Variants in CHD6 observed in about 807,000 individuals in gnomAD.
CHD6 encodes the protein chromodomain helicase DNA binding protein 6.
Under a neutral mutation model 276.9 loss-of-function variants are expected in CHD6, and 50 were observed. That is an observed-to-expected ratio of 0.18 (90% CI 0.14 to 0.23). The LOEUF is 0.23. Among genes scored for constraint, CHD6 ranks in the 10% least tolerant of loss-of-function variants. CHD6 has a pLI of 1.00. For missense variants in CHD6, 2,564 were observed against 3,365.8 expected, an observed-to-expected ratio of 0.76 and a Z score of 5.89; for synonymous variants, 1,173 against 1,229.3, an observed-to-expected ratio of 0.95 and a Z score of 0.96.
chr20:41,554,948 T>C (rs1362179911), intron 1 of CHD6, among the ~76,000 whole-genome samples: 1 of 150,690 alleles, frequency 6.6e-6, no homozygotes, highest in Admixed American at 6.6e-5. Flanking sequence ...CACTTCCCAG[T>C]AGGGGCAGCC....
At chr20:41,579,233 G>A (rs866086482) in intron 1 of CHD6, among the ~76,000 whole-genome samples, 22 of 149,144 alleles carry the variant, frequency 1.5e-4, no homozygotes, top group East Asian at 4.0e-4. Context: ...TCAGGAGTTC[G>A]AGACCAGCCC....
At position 41,404,596 on chromosome 20, in the gene CHD6, A is replaced by C. The variant is rs759999480; in HGVS notation, c.8145T>G (p.Asn2715Lys). 4.7e-6 allele frequency: 7 copies of C among 1,477,360 alleles called. No homozygotes were observed. The highest frequency in any genetic ancestry group is 1.4e-5 in the African/African-American group (1 of 71,258). The allele number at this position is 1,477,360 out of a possible 1,614,324, so 91.5% of individuals were successfully genotyped here. A position where few individuals can be genotyped will look rare whatever the true frequency, so the allele number is the denominator to read the frequency against. The change falls in exon 37 of 37, where the codon AAT (asparagine) becomes AAG (lysine). Residue 2715 changes from asparagine to lysine, a missense_variant. Physicochemically the swap from Asn to Lys is moderately conservative, Grantham distance 94. Transcript: ENST00000373233. Reference sequence around the variant, plus strand: ...AATTTCTTAAATGAAAAAAGTTCTAATTGGTGTCGTTGTTGGAGTCTTTGA... The same window carrying C: ...AATTTCTTAAATGAAAAAAGTTCTACTTGGTGTCGTTGTTGGAGTCTTTGA... ...GALKDSNNDT[N>K]
At chr20:41,412,077 G>C in intron 36 of CHD6, 67 bp downstream of exon 36, 1 of 1,588,536 alleles carries the variant, frequency 6.3e-7, no homozygotes. Flanking sequence ...TTTCTCTCAA[G>C]TATGTAAGGC....
At chr20:41,484,711 C>T in intron 14 of CHD6, 104 bp from the exon 15 acceptor site, 1 of 1,194,518 alleles carries the variant, frequency 8.4e-7, no homozygotes, top group Non-Finnish European at 1.2e-6. Flanking sequence ...ACCCATAGTA[C>T]TGTGGTAGTA....
rs2044740748 is a variant in CHD6 at position 41,533,399 on chromosome 20, C to T, written c.205G>A (p.Ala69Thr). Residue 69 changes from alanine to threonine, a missense_variant, in exon 3 of 37, where the codon GCT (alanine) becomes ACT (threonine). Ala to Thr is a moderately conservative substitution (Grantham distance 58, BLOSUM62 0). This residue lies in a region of CHD6 where 286 missense variants were observed against 297.8 expected (regional missense o/e 0.96). Transcript: ENST00000373233. ...GTCATTTTCCTAGGAAAAAGGGTAG[C>T]AGCTTCCTCTTCAGCAGTATACAGG... ...KDLYTAEEEA[A>T]TLFPRKMTSH... 1 of 1,614,134 alleles carries T rather than the reference C, an allele frequency of 6.2e-7. No individual in the cohort carries two copies. Among genetic ancestry groups the T allele is most frequent in the South Asian group, 1.1e-5 (1 of 91,076 alleles).
At position 41,520,057 on chromosome 20, in the gene CHD6, G is replaced by A. The variant is rs564734024; in HGVS notation, c.555-5105C>T. 3.3e-5 allele frequency among the ~76,000 whole-genome samples: 5 copies of A among 152,256 alleles called. No homozygotes were observed. The East Asian group carries it at 9.6e-4, about 29-fold the overall frequency. On this transcript the variant is annotated intron_variant, in intron 3 of 36. Coordinates refer to ENST00000373233, the MANE Select transcript of CHD6 (RefSeq NM_032221.5). ...AAAGAAGACATTTATGCCGCCAAAAGACACATGAAAAAATGCTCATCATCA... is the reference window on the plus strand; with the variant it reads ...AAAGAAGACATTTATGCCGCCAAAAAACACATGAAAAAATGCTCATCATCA...
chr20:41,507,558 G>C (rs1293049749), intron 5 of CHD6, among the ~76,000 whole-genome samples: 4 of 152,122 alleles, frequency 2.6e-5, no homozygotes, highest in Non-Finnish European at 5.9e-5. Context: ...GGAAAATCAG[G>C]ATCTTTTTTT....
Position 41,549,109 on chromosome 20 carries a change from G to C in CHD6, c.33+2196C>G, listed in dbSNP as rs567436372. ...GCGATTCCTCAGGGATCTAGAACTA[G>C]AAATACCATTTGACCCAGCCATCCC... On this transcript the variant is annotated intron_variant, in intron 2 of 36. Transcript: ENST00000373233. Among the ~76,000 whole-genome samples, 6 of 151,954 alleles carry C rather than the reference G, an allele frequency of 3.9e-5. No homozygotes were observed. In the South Asian group the frequency reaches 1.3e-3, roughly 32 times the overall value.
At chr20:41,454,005 G>A (rs886592088) in intron 20 of CHD6, among the ~76,000 whole-genome samples, 3 of 152,080 alleles carry the variant, frequency 2.0e-5, no homozygotes, top group East Asian at 1.9e-4. Flanking sequence ...GATGAAGGAC[G>A]GGAAATCAAC....
intron 1 of CHD6, among the ~76,000 whole-genome samples, chr20:41,602,457 T>C (rs1257280430): frequency 6.6e-6 from 1 of 152,310 alleles, no homozygotes; most frequent in East Asian, 1.9e-4. Context: ...GGAGTAAAAC[T>C]GCCAGTTTGC....
At chr20:41,419,318 G>A (rs796280225) in intron 31 of CHD6, among the ~76,000 whole-genome samples, 46 of 152,032 alleles carry the variant, frequency 3.0e-4, no homozygotes, top group African/African-American at 1.1e-3. Context: ...AGTGGCTCAC[G>A]TCTGTAATCC....
At chr20:41,413,218 A>C (rs1406650432) in intron 35 of CHD6, 106 bp downstream of exon 35, 2 of 860,950 alleles carry the variant, frequency 2.3e-6, no homozygotes, top group African/African-American at 3.4e-5. Context: ...GATTTCTCCC[A>C]AACAGCTCCC....
intron 5 of CHD6, among the ~76,000 whole-genome samples, chr20:41,501,449 G>C (rs184575676): frequency 6.6e-6 from 1 of 152,222 alleles, no homozygotes; most frequent in African/African-American, 2.4e-5. Context: ...TACCACCGTA[G>C]ACTGGTTTTG....
chr20:41,539,188 C>A (rs536891748), intron 2 of CHD6, among the ~76,000 whole-genome samples: 2 of 152,200 alleles, frequency 1.3e-5, no homozygotes, highest in African/African-American at 4.8e-5. Context: ...ACTGAACATG[C>A]GTGCCCTGGA....
In CHD6 at chr20:41,556,828, C is replaced by A. The variant is rs895563427; in HGVS notation, c.-23-5468G>T. On this transcript the variant is annotated intron_variant, in intron 1 of 36. Transcript: ENST00000373233. ...ACAGCACCCCATAATTTATAAACAC[C>A]CTTAAATTATCTCTACTTTTTAAAT... is the stretch of plus-strand genomic sequence containing the variant. Among the ~76,000 whole-genome samples, 3 of 152,062 alleles carry A rather than the reference C, an allele frequency of 2.0e-5. No individual in the cohort carries two copies. In the East Asian group the frequency reaches 5.8e-4, roughly 29 times the overall value.
intron 4 of CHD6, 51 bp downstream of exon 4, chr20:41,514,754 A>G: frequency 6.2e-7 from 1 of 1,601,524 alleles, no homozygotes; most frequent in Non-Finnish European, 8.5e-7. Context: ...TGTCAGCCAG[A>G]TCCCATCCAG....
intron 1 of CHD6, among the ~76,000 whole-genome samples, chr20:41,556,299 TGGGGAGACGGGAGAGGGAGAGGGCACC>T (rs2045235538): frequency 9.1e-6 from 1 of 110,166 alleles, no homozygotes; most frequent in South Asian, 3.0e-4. Flanking sequence ...AGGGAGACCG[TGGGGAGACGGGAGAGGGAGAGGGCACC>T]TTTTTTTTTT....
rs576201407 is a variant in CHD6 at position 41,557,372 on chromosome 20, G to A, written c.-23-6012C>T. Among the ~76,000 whole-genome samples the A allele has an allele frequency of 1.1e-3, 160 of 151,906 alleles. 4 individuals carry two copies. The highest frequency in any genetic ancestry group is 6.8e-3 in the Middle Eastern group (2 of 292). On this transcript the variant is annotated intron_variant, in intron 1 of 36. Transcript: ENST00000373233. ...AGGATGCTCCTATTAAGAAAAATGG[G>A]TGCCAGGTTTCAATAAGAACATTTT...
intron 34 of CHD6, 110 bp from the exon 35 acceptor site, chr20:41,413,625 G>C (rs1461227537): frequency 1.1e-6 from 1 of 937,966 alleles, no homozygotes; most frequent in Non-Finnish European, 1.6e-6. Context: ...TTTCCACCCT[G>C]ATATTACTCA....
Sources: gnomAD v4.1 joint callset for allele counts (sites outside exome capture counted in the v4.1 genomes callset) on GRCh38, gnomAD v4.1.1 for gene constraint, gnomAD v4.1.1 regional missense constraint, MANE v1.5 for transcripts, NCBI Gene and HGNC (gene_info 2026-07-23, HGNC 2026-07-21) for gene names.